COX16: variants seen among roughly 807,000 people sequenced by gnomAD.
The protein encoded by COX16 is cytochrome c oxidase assembly factor COX16, also known as cytochrome c oxidase assembly protein COX16 homolog, mitochondrial.
In COX16, 12 loss-of-function variants were observed where a neutral mutation model predicts 15.4. That is an observed-to-expected ratio of 0.78 (90% CI 0.50 to 1.26). COX16 has a LOEUF of 1.26. COX16 is among the 50% of genes most tolerant of loss of function. The pLI is 0.00. For synonymous variants in COX16, 46 were observed against 41.1 expected, an observed-to-expected ratio of 1.12 and a Z score of -0.46; for missense variants, 124 against 127.6, an observed-to-expected ratio of 0.97 and a Z score of 0.14.
intron 3 of COX16, among the ~76,000 whole-genome samples, chr14:70,327,175 C>CACAGG (rs1594904413): frequency 1.3e-5 from 2 of 152,178 alleles, no homozygotes; most frequent in East Asian, 3.9e-4. Flanking sequence ...GCTGTGAAAA[C>CACAGG]ATAGGATAGC....
At position 70,329,198 on chromosome 14, in the gene COX16, T is replaced by C; in HGVS notation, c.180A>G (p.Lys60=). 3.7e-6 allele frequency: 6 copies of C among 1,608,806 alleles called. No homozygotes were observed. The highest frequency in any genetic ancestry group is 5.1e-6 in the Non-Finnish European group (6 of 1,177,274). The change falls in exon 3 of 4, where the codon AAA becomes AAG. Residue 60 remains lysine, a synonymous_variant. Coordinates refer to ENST00000389912, the MANE Select transcript of COX16 (RefSeq NM_016468.7). The part of the protein sequence containing the change: ...PELEKKLKEN[K]ISLESEYEKI... Reference sequence around the variant, plus strand: ...CCTCATATTCCGACTCTAAAGATATTTTATTCTCTTTCAGTTTTTTTTCAA... The same window carrying C: ...CCTCATATTCCGACTCTAAAGATATCTTATTCTCTTTCAGTTTTTTTTCAA...
chr14:70,342,455 A>G (rs976947126), intron 2 of COX16, among the ~76,000 whole-genome samples: 5 of 152,196 alleles, frequency 3.3e-5, no homozygotes, highest in Admixed American at 2.6e-4. Context: ...AAAAGAAAAA[A>G]AGAAAGATTA....
intron 1 of COX16, among the ~76,000 whole-genome samples, chr14:70,344,504 G>A (rs999995300): frequency 6.6e-6 from 1 of 152,214 alleles, no homozygotes; most frequent in Non-Finnish European, 1.5e-5. Flanking sequence ...GGCGGTTTCA[G>A]TATTGCTACA....
intron 2 of COX16, among the ~76,000 whole-genome samples, chr14:70,332,374 A>T (rs1176657332): frequency 1.3e-5 from 2 of 152,184 alleles, no homozygotes; most frequent in African/African-American, 4.8e-5. Flanking sequence ...CGTCAGCTGC[A>T]GCCCCTCTTG....
rs1215342076 is a variant in COX16, at chr14:70,325,755, A to ATAAT, written c.*574_*577dup. ...ATAATTTTTGACAACCATAAATAATATAATTTCCTTGACATGTTAATGGTA... is the reference window on the plus strand; with the variant it reads ...ATAATTTTTGACAACCATAAATAATATAATTAATTTCCTTGACATGTTAATGGTA... On this transcript the variant is annotated 3_prime_UTR_variant, in exon 4 of 4. Coordinates refer to ENST00000389912, the MANE Select transcript of COX16 (RefSeq NM_016468.7). The ATAAT allele has an allele frequency of 1.3e-5, 2 of 151,554 alleles. No individual in the cohort carries two copies. Among genetic ancestry groups the ATAAT allele is most frequent in the East Asian group, 3.8e-4 (2 of 5,204 alleles). 9.4% of individuals were successfully genotyped at this position (151,554 alleles called of 1,614,324 possible).
At chr14:70,333,363 G>T (rs956694349) in intron 2 of COX16, among the ~76,000 whole-genome samples, 3 of 152,170 alleles carry the variant, frequency 2.0e-5, no homozygotes, top group Admixed American at 1.3e-4. Flanking sequence ...ATTTATCAGA[G>T]AAATTGAACA....
intron 1 of COX16, among the ~76,000 whole-genome samples, chr14:70,352,645 CTTTTTTT>C (rs576495712): frequency 1.2e-5 from 1 of 84,484 alleles, no homozygotes; most frequent in Non-Finnish European, 2.4e-5. Context: ...CTTTTTTTTT[CTTTTTTT>C]TTTTTTTTTT....
chr14:70,330,793 T>A (rs1178777832), intron 2 of COX16, among the ~76,000 whole-genome samples: 13 of 152,304 alleles, frequency 8.5e-5, no homozygotes, highest in Admixed American at 6.5e-5. Context: ...CGATTGTCAA[T>A]ATTTGATGAT....
chr14:70,337,511 A>G (rs1886491895), intron 2 of COX16, among the ~76,000 whole-genome samples: 2 of 152,082 alleles, frequency 1.3e-5, no homozygotes, highest in South Asian at 4.1e-4. Context: ...GAAGAAAACA[A>G]TACCATCTGG....
chr14:70,359,207 C>A (rs1315950978), intron 1 of COX16: 1 of 500,180 alleles, frequency 2.0e-6, no homozygotes, highest in Non-Finnish European at 3.9e-6. Context: ...CTCTGAGCTT[C>A]AATTTACTTA....
intron 1 of COX16, among the ~76,000 whole-genome samples, chr14:70,353,394 TTA>T (rs1278655348): frequency 3.4e-5 from 5 of 148,622 alleles, no homozygotes; most frequent in African/African-American, 7.4e-5. Context: ...ATATATAATT[TTA>T]TATATATATA....
At chr14:70,352,340 C>T (rs567262086) in intron 1 of COX16, among the ~76,000 whole-genome samples, 2 of 151,806 alleles carry the variant, frequency 1.3e-5, no homozygotes, top group East Asian at 3.9e-4. Flanking sequence ...GCATCCACTG[C>T]CATACCCAGC....
chr14:70,337,709 A>C (rs976067343), intron 2 of COX16, among the ~76,000 whole-genome samples: 7 of 152,196 alleles, frequency 4.6e-5, no homozygotes, highest in African/African-American at 1.7e-4. Flanking sequence ...AAAGGAAAAA[A>C]TAGATTAAAA....
intron 1 of COX16, among the ~76,000 whole-genome samples, chr14:70,346,757 G>A (rs1342635912): frequency 2.6e-5 from 4 of 151,614 alleles, no homozygotes; most frequent in Admixed American, 2.0e-4. Context: ...CCTTTTCTCC[G>A]TTGTGGGAAT....
chr14:70,333,969 A>T (rs1481761606), intron 2 of COX16, among the ~76,000 whole-genome samples: 1 of 152,182 alleles, frequency 6.6e-6, no homozygotes, highest in Non-Finnish European at 1.5e-5. Flanking sequence ...ATACTGTAAC[A>T]ACCAAAAATA....
intron 1 of COX16, among the ~76,000 whole-genome samples, chr14:70,358,250 TTA>T (rs1887190279): frequency 1.3e-5 from 2 of 151,746 alleles, no homozygotes; most frequent in Admixed American, 6.6e-5. Flanking sequence ...CTACTATTAG[TTA>T]TGATGCTTTT....
chr14:70,347,619 C>T (rs1886821922), intron 1 of COX16, among the ~76,000 whole-genome samples: 1 of 152,084 alleles, frequency 6.6e-6, no homozygotes. Context: ...CCTGTGTAGC[C>T]CCTCTCAAAG....
intron 2 of COX16, among the ~76,000 whole-genome samples, chr14:70,338,966 A>T (rs1274162163): frequency 2.0e-5 from 3 of 152,210 alleles, no homozygotes; most frequent in Non-Finnish European, 4.4e-5. Context: ...TCATTAAAGT[A>T]ACAGAGTCAT....
At chr14:70,344,866 C>G (rs1886728469) in intron 1 of COX16, among the ~76,000 whole-genome samples, 1 of 152,154 alleles carries the variant, frequency 6.6e-6, no homozygotes, top group Non-Finnish European at 1.5e-5. Flanking sequence ...TAGGACACTT[C>G]CTGTTTACAG....
Sources: allele counts gnomAD v4.1 joint callset (sites outside exome capture counted in the v4.1 genomes callset), GRCh38; gene constraint gnomAD v4.1.1; transcripts MANE v1.5; gene names NCBI Gene and HGNC (gene_info 2026-07-23, HGNC 2026-07-21).